Variants in OSBPL8 observed in about 807,000 individuals in gnomAD.
The protein encoded by OSBPL8 is oxysterol binding protein like 8, also known as oxysterol-binding protein-related protein 8.
OSBPL8 carries 59 observed loss-of-function variants against 125.5 expected under a neutral mutation model. The observed-to-expected ratio is 0.47, with a 90% CI of 0.38 to 0.58. The LOEUF is 0.58. Ranked by LOEUF, OSBPL8 falls within the 20% of genes least tolerant of loss-of-function variation. The pLI is 0.00. For missense variants in OSBPL8, 758 were observed against 1,047.8 expected (o/e 0.72, Z 3.82); for synonymous variants, 330 against 338.9 (o/e 0.97, Z 0.29).
chr12:76,424,294 C>T (rs1398540913), intron 4 of OSBPL8, among the ~76,000 whole-genome samples: 2 of 152,086 alleles, frequency 1.3e-5, no homozygotes, highest in Non-Finnish European at 1.5e-5. Flanking sequence ...AGCCACCGCA[C>T]CAGGCAAAAC....
intron 8 of OSBPL8, among the ~76,000 whole-genome samples, chr12:76,395,347 C>T (rs1294138163): frequency 2.0e-5 from 3 of 151,978 alleles, no homozygotes; most frequent in Admixed American, 6.6e-5. Flanking sequence ...TAGGTAGACA[C>T]GAATCTGGAA....
chr12:76,466,962 C>CA lies in OSBPL8; in HGVS notation c.43-7068dup, dbSNP rs775342431. Among the ~76,000 whole-genome samples the CA allele has an allele frequency of 7.4e-3, 959 of 130,094 alleles. 5 individuals carry two copies. The highest frequency in any genetic ancestry group is 0.017 in the African/African-American group (584 of 35,300). 85.3% of individuals were successfully genotyped at this position (130,094 alleles called of 152,430 possible). On this transcript the variant is annotated intron_variant, in intron 2 of 23. Coordinates refer to ENST00000261183, the MANE Select transcript of OSBPL8 (RefSeq NM_020841.5). The stretch of plus-strand genomic sequence containing the variant: ...CCTGGACAAGAACGAAACTCTGTCT[C>CA]AAAAAAAAAAAAAATCTTTTTTTAA...
chr12:76,553,317 G>A (rs1445811580), intron 1 of OSBPL8, among the ~76,000 whole-genome samples: 1 of 152,014 alleles, frequency 6.6e-6, no homozygotes, highest in Non-Finnish European at 1.5e-5. Context: ...TTACCTTACT[G>A]GTGGTCATCT....
At chr12:76,387,297 C>T (rs952521525) in intron 12 of OSBPL8, among the ~76,000 whole-genome samples, 4 of 152,148 alleles carry the variant, frequency 2.6e-5, no homozygotes, top group Non-Finnish European at 4.4e-5. Context: ...GTACAAAACA[C>T]AGAAGTTTCA....
intron 5 of OSBPL8, among the ~76,000 whole-genome samples, chr12:76,404,374 T>C (rs151324132): frequency 6.6e-6 from 1 of 152,318 alleles, no homozygotes; most frequent in African/African-American, 2.4e-5. Context: ...CTAATAGTAT[T>C]AGCTTAAAAG....
intron 1 of OSBPL8, among the ~76,000 whole-genome samples, chr12:76,499,175 G>A (rs1475679826): frequency 6.6e-6 from 1 of 152,086 alleles, no homozygotes; most frequent in East Asian, 1.9e-4. Flanking sequence ...AGTGCTGGAT[G>A]CTTCCTGCCC....
intron 15 of OSBPL8, among the ~76,000 whole-genome samples, chr12:76,382,322 AC>A (rs1953093914): frequency 6.6e-6 from 1 of 151,552 alleles, no homozygotes; most frequent in African/African-American, 2.4e-5. Context: ...CTGATTTTTT[AC>A]CTATACTTTT....
At chr12:76,495,468 G>A (rs1412288577) in intron 1 of OSBPL8, among the ~76,000 whole-genome samples, 2 of 152,204 alleles carry the variant, frequency 1.3e-5, no homozygotes, top group Non-Finnish European at 2.9e-5. Context: ...GTTCAGACTA[G>A]TCCAAAGTGT....
intron 1 of OSBPL8, among the ~76,000 whole-genome samples, chr12:76,533,169 A>C (rs1370926670): frequency 6.6e-6 from 1 of 152,234 alleles, no homozygotes; most frequent in Non-Finnish European, 1.5e-5. Context: ...TCATAAGAAA[A>C]AAATACAATA....
At chr12:76,391,143 G>A (rs1307091329) in intron 10 of OSBPL8, among the ~76,000 whole-genome samples, 3 of 152,080 alleles carry the variant, frequency 2.0e-5, no homozygotes, top group Admixed American at 6.5e-5. Flanking sequence ...CACCTCACAT[G>A]AGTCCAAGAA....
At chr12:76,479,876 A>AGGG (rs1427189096) in intron 2 of OSBPL8, among the ~76,000 whole-genome samples, 1 of 152,152 alleles carries the variant, frequency 6.6e-6, no homozygotes, top group East Asian at 1.9e-4. Flanking sequence ...CTATAAAAAG[A>AGGG]ATATGAGAGG....
At chr12:76,373,230 T>A (rs762712583) in intron 18 of OSBPL8, 114 bp downstream of exon 18, 128 of 607,378 alleles carry the variant, frequency 2.1e-4, no homozygotes, top group Middle Eastern at 1.2e-3. Context: ...AAGATGAAGC[T>A]TATGTTAAAT....
intron 21 of OSBPL8, among the ~76,000 whole-genome samples, chr12:76,362,401 C>T (rs1365738449): frequency 6.6e-6 from 1 of 152,042 alleles, no homozygotes; most frequent in Non-Finnish European, 1.5e-5. Flanking sequence ...TAAACGTAAT[C>T]CATCACATAA....
At chr12:76,393,055 A>G (rs1404545412) in intron 9 of OSBPL8, among the ~76,000 whole-genome samples, 1 of 152,220 alleles carries the variant, frequency 6.6e-6, no homozygotes, top group South Asian at 2.1e-4. Context: ...TGAAGGTATC[A>G]AGCAAGGTAC....
At chr12:76,367,778 C>T (rs1340998954) in intron 21 of OSBPL8, among the ~76,000 whole-genome samples, 1 of 152,154 alleles carries the variant, frequency 6.6e-6, no homozygotes, top group African/African-American at 2.4e-5. Context: ...CTACAACAAT[C>T]TAGTTTGAGT....
intron 2 of OSBPL8, among the ~76,000 whole-genome samples, chr12:76,460,955 T>C (rs1874645194): frequency 6.6e-6 from 1 of 152,218 alleles, no homozygotes; most frequent in South Asian, 2.1e-4. Flanking sequence ...GAATAAAATC[T>C]TGGACCTATT....
intron 8 of OSBPL8, among the ~76,000 whole-genome samples, chr12:76,395,510 G>A (rs537142969): frequency 5.9e-5 from 9 of 151,808 alleles, no homozygotes; most frequent in Non-Finnish European, 1.0e-4. Context: ...GATTCAAAAC[G>A]AAAACAGAAA....
At chr12:76,356,054 G>A (rs1951972195) in intron 23 of OSBPL8, 33 bp from the exon 24 acceptor site, 1 of 1,545,594 alleles carries the variant, frequency 6.5e-7, no homozygotes, top group African/African-American at 1.4e-5. Context: ...ATTTTGTAAT[G>A]ATTTGCCAGA....
At chr12:76,410,105 T>C (rs1185542276) in intron 5 of OSBPL8, among the ~76,000 whole-genome samples, 2 of 152,270 alleles carry the variant, frequency 1.3e-5, no homozygotes, top group South Asian at 2.1e-4. Flanking sequence ...GTTTCAGAAA[T>C]ACTGATTCAT....
Sources: allele counts gnomAD v4.1 joint callset (sites outside exome capture counted in the v4.1 genomes callset), GRCh38; gene constraint gnomAD v4.1.1; transcripts MANE v1.5; gene names NCBI Gene and HGNC (gene_info 2026-07-23, HGNC 2026-07-21).